The following TRIM61 variants were observed in gnomAD, a reference collection of about 807,000 sequenced individuals.
The protein encoded by TRIM61 is tripartite motif containing 61.
A neutral mutation model predicts 14.2 loss-of-function variants in TRIM61; 1 was observed. That is an observed-to-expected ratio of 0.07 (90% CI 0.03 to 0.33). The LOEUF (loss-of-function observed/expected upper bound fraction) is 0.33, where lower values mean the gene tolerates loss of function less well. Ranked by LOEUF, TRIM61 falls within the 10% of genes least tolerant of loss-of-function variation. TRIM61 has a pLI of 0.99. For synonymous variants in TRIM61, 8 were observed against 71.6 expected (o/e 0.11, Z 4.49); for missense variants, 19 against 202.2 (o/e 0.09, Z 5.49).
intron 2 of TRIM61, among the ~76,000 whole-genome samples, chr4:164,971,481 CT>C (rs1222624326): frequency 6.6e-6 from 1 of 151,764 alleles, no homozygotes; most frequent in Non-Finnish European, 1.5e-5. Context: ...ATCCCAGCTA[CT>C]CAGGAGGCTG....
intron 3 of TRIM61, among the ~76,000 whole-genome samples, chr4:164,966,545 G>C (rs1732247053): frequency 6.6e-6 from 1 of 152,208 alleles, no homozygotes; most frequent in South Asian, 2.1e-4. Flanking sequence ...GGCAAAAGTG[G>C]TTATAAAGCA....
At chr4:164,964,435 T>C (rs1353444752) in intron 3 of TRIM61, among the ~76,000 whole-genome samples, 3 of 151,008 alleles carry the variant, frequency 2.0e-5, no homozygotes, top group African/African-American at 7.3e-5. Context: ...AAAATAAAAA[T>C]TGAAGCAGAA....
At chr4:164,968,513 T>C (rs1732290083) in intron 3 of TRIM61, 9 of 985,648 alleles carry the variant, frequency 9.1e-6, no homozygotes, top group Non-Finnish European at 1.1e-5. Flanking sequence ...CTGGACAAAA[T>C]ACAGAATAGC....
rs796941350 is a variant in TRIM61 at position 164,968,345 on chromosome 4, C to T, written c.525+1133G>A. The T allele has an allele frequency of 1.3e-5, 13 of 965,308 alleles. No homozygotes were observed. The African/African-American group carries it at 1.6e-4, about 12-fold the overall frequency. The allele number at this position is 965,308 out of a possible 1,614,324, so 59.8% of individuals were successfully genotyped here. A position where few individuals can be genotyped will look rare whatever the true frequency, so the allele number is the denominator to read the frequency against. The stretch of plus-strand genomic sequence containing the variant: ...AAGTAATAGATTTTCTTACATAATA[C>T]ATTTCTTCAGTAATATATGTTTCAA... On this transcript the variant is annotated intron_variant, in intron 3 of 4. Coordinates refer to ENST00000329314, the MANE Select transcript of TRIM61 (RefSeq NM_001012414.3).
intron 3 of TRIM61, among the ~76,000 whole-genome samples, chr4:164,967,547 G>A (rs1266213101): frequency 1.3e-5 from 2 of 152,208 alleles, no homozygotes; most frequent in Non-Finnish European, 2.9e-5. Flanking sequence ...GAACAGAACA[G>A]GTTATCTACC....
At chr4:164,957,357 C>G in intron 3 of TRIM61, 2 of 1,614,048 alleles carry the variant, frequency 1.2e-6, no homozygotes, top group Non-Finnish European at 1.7e-6. Context: ...CCGAAATTGC[C>G]AGGCCACTCC....
chr4:164,977,114 G>T (rs532899701), intron 1 of TRIM61, among the ~76,000 whole-genome samples: 2 of 152,242 alleles, frequency 1.3e-5, no homozygotes, highest in South Asian at 2.1e-4. Flanking sequence ...CTACAAAGTT[G>T]AAATGATAAT....
intron 3 of TRIM61, chr4:164,957,117 A>G: frequency 6.3e-7 from 1 of 1,592,548 alleles, no homozygotes. Flanking sequence ...GGGCGAGCCA[A>G]ACTGCGTTCC....
intron 3 of TRIM61, chr4:164,968,067 G>C: frequency 1.5e-6 from 1 of 669,948 alleles, no homozygotes; most frequent in Non-Finnish European, 1.8e-6. Context: ...CTGAAGAATA[G>C]CTTGAACCTG....
intron 3 of TRIM61, among the ~76,000 whole-genome samples, chr4:164,963,973 TTA>T (rs1245652509): frequency 2.6e-5 from 4 of 151,982 alleles, no homozygotes; most frequent in African/African-American, 7.2e-5. Context: ...AAAGCAGTAT[TTA>T]GAGTGAAATT....
intron 3 of TRIM61, among the ~76,000 whole-genome samples, chr4:164,964,261 TGGCATGAACCC>T (rs1732193479): frequency 6.7e-6 from 1 of 148,760 alleles, no homozygotes; most frequent in Admixed American, 6.8e-5. Context: ...GGCAAGAGAA[TGGCATGAACCC>T]GGGAGGCGAA....
At chr4:164,955,925 G>A (rs1296537735) in intron 3 of TRIM61, among the ~76,000 whole-genome samples, 3 of 152,210 alleles carry the variant, frequency 2.0e-5, no homozygotes, top group Admixed American at 1.3e-4. Flanking sequence ...TGAGGAGGAA[G>A]ACAAAGGAGA....
At chr4:164,971,131 T>A (rs760205183) in intron 2 of TRIM61, among the ~76,000 whole-genome samples, 1 of 151,842 alleles carries the variant, frequency 6.6e-6, no homozygotes, top group African/African-American at 2.4e-5. Context: ...AACAAATAAA[T>A]ATGAGATTCT....
At chr4:164,964,948 A>G (rs1363109415) in intron 3 of TRIM61, among the ~76,000 whole-genome samples, 2 of 152,186 alleles carry the variant, frequency 1.3e-5, no homozygotes, top group Non-Finnish European at 2.9e-5. Context: ...TTTGATGTCT[A>G]CTAATTATTG....
At chr4:164,973,224 A>G (rs1732408780) in intron 2 of TRIM61, among the ~76,000 whole-genome samples, 2 of 152,216 alleles carry the variant, frequency 1.3e-5, no homozygotes, top group Admixed American at 6.5e-5. Context: ...GTTAGGAGCT[A>G]TTATCCTCAA....
chr4:164,974,402 T>C (rs534608624), intron 2 of TRIM61, among the ~76,000 whole-genome samples: 2 of 152,316 alleles, frequency 1.3e-5, no homozygotes, highest in South Asian at 4.1e-4. Flanking sequence ...ACTAACACAA[T>C]TAACTTCAGA....
At chr4:164,957,260 A>G (rs757544162) in intron 3 of TRIM61, 1 of 1,614,116 alleles carries the variant, frequency 6.2e-7, no homozygotes, top group Admixed American at 1.7e-5. Context: ...ATCCTGGGAG[A>G]AGCGAATCGT....
chr4:164,972,749 A>G (rs1342224895), intron 2 of TRIM61, among the ~76,000 whole-genome samples: 4 of 152,180 alleles, frequency 2.6e-5, no homozygotes, highest in African/African-American at 9.7e-5. Flanking sequence ...TTGGCCTCCC[A>G]AAGTGCTGGG....
chr4:164,964,638 A>G (rs1732201045), intron 3 of TRIM61, among the ~76,000 whole-genome samples: 1 of 152,242 alleles, frequency 6.6e-6, no homozygotes, highest in African/African-American at 2.4e-5. Context: ...TGGAACAATT[A>G]GGAAGAAGAC....
Sources: gnomAD v4.1 joint callset for allele counts (sites outside exome capture counted in the v4.1 genomes callset) on GRCh38, gnomAD v4.1.1 for gene constraint, MANE v1.5 for transcripts, NCBI Gene and HGNC (gene_info 2026-07-23, HGNC 2026-07-21) for gene names.